Variants in GMDS observed in about 807,000 individuals in gnomAD.
The protein encoded by GMDS is GDP-mannose 4,6 dehydratase.
GMDS carries 20 observed loss-of-function variants against 49.9 expected under a neutral mutation model. The observed-to-expected ratio is 0.40, with a 90% CI of 0.28 to 0.58. GMDS has a LOEUF of 0.58. Ranked by LOEUF, GMDS falls within the 20% of genes least tolerant of loss-of-function variation. GMDS has a pLI of 0.42. For synonymous variants in GMDS, 177 were observed against 178.6 expected (o/e 0.99, Z 0.07); for missense variants, 362 against 481.4 (o/e 0.75, Z 2.32).
At chr6:2,035,876 G>C (rs752495413) in intron 4 of GMDS, among the ~76,000 whole-genome samples, 1 of 151,972 alleles carries the variant, frequency 6.6e-6, no homozygotes, top group Non-Finnish European at 1.5e-5. Context: ...TAGTAAAAAC[G>C]GGGTTTCACC....
rs187130700 is a variant in GMDS at position 2,089,026 on chromosome 6, T to C, written c.345+26745A>G. 2.2e-4 allele frequency among the ~76,000 whole-genome samples: 34 copies of C among 152,322 alleles called. 1 individual carries two copies. The highest frequency in any genetic ancestry group is 6.5e-4 in the African/African-American group (27 of 41,578). On this transcript the variant is annotated intron_variant, in intron 4 of 10. Coordinates refer to ENST00000380815, the MANE Select transcript of GMDS (RefSeq NM_001500.4). Reference sequence around the variant, plus strand: ...TGGGCAGCTATTATGTGTAAATCACTACACGAAAAGCCAATGGTAATACTA... The same window carrying C: ...TGGGCAGCTATTATGTGTAAATCACCACACGAAAAGCCAATGGTAATACTA...
At chr6:1,881,133 T>C (rs964040456) in intron 7 of GMDS, among the ~76,000 whole-genome samples, 1 of 152,106 alleles carries the variant, frequency 6.6e-6, no homozygotes, top group Non-Finnish European at 1.5e-5. Context: ...AACTATTAAT[T>C]TAAAAACAGG....
chr6:1,741,231 G>A (rs1345640419), intron 8 of GMDS, among the ~76,000 whole-genome samples: 2 of 152,048 alleles, frequency 1.3e-5, no homozygotes, highest in African/African-American at 4.8e-5. Context: ...ATATACAATA[G>A]GTATTGTTAA....
Position 1,624,100 on chromosome 6 carries a change from G to C in GMDS, c.*69C>G. The C allele has an allele frequency of 7.1e-7, 1 of 1,400,666 alleles. No homozygotes were observed. The highest frequency in any genetic ancestry group is 1.4e-5 in the African/African-American group (1 of 71,234). 86.8% of individuals were successfully genotyped at this position (1,400,666 alleles called of 1,614,324 possible). A position where few individuals can be genotyped will look rare whatever the true frequency, so the allele number is the denominator to read the frequency against. On this transcript the variant is annotated 3_prime_UTR_variant, in exon 11 of 11. Coordinates refer to ENST00000380815, the MANE Select transcript of GMDS (RefSeq NM_001500.4). ...GATTGGCACGCCGCTCCCCATCCCC[G>C]CAGCGCGTCTGCACCGGAGACTCTG...
chr6:1,972,516 T>G (rs1181738072), intron 4 of GMDS, among the ~76,000 whole-genome samples: 2 of 152,190 alleles, frequency 1.3e-5, no homozygotes, highest in East Asian at 3.8e-4. Context: ...TTAATGGAAT[T>G]TATTATAGCA....
chr6:1,784,473 T>TC, intron 7 of GMDS, among the ~76,000 whole-genome samples: 1 of 150,604 alleles, frequency 6.6e-6, no homozygotes, highest in African/African-American at 2.4e-5. Flanking sequence ...GTTTGCCTGA[T>TC]CCCAGGACTA....
intron 1 of GMDS, among the ~76,000 whole-genome samples, chr6:2,147,843 A>G (rs1776642255): frequency 6.7e-6 from 1 of 148,314 alleles, no homozygotes; most frequent in Non-Finnish European, 1.5e-5. Flanking sequence ...AAGTCCCCTG[A>G]GCATACTAGA....
intron 7 of GMDS, among the ~76,000 whole-genome samples, chr6:1,755,598 G>C (rs919264509): frequency 6.6e-6 from 1 of 152,118 alleles, no homozygotes. Flanking sequence ...CAAAGCTGGA[G>C]GCATCACACT....
At chr6:1,962,861 T>C (rs1764037950) in intron 4 of GMDS, among the ~76,000 whole-genome samples, 1 of 151,410 alleles carries the variant, frequency 6.6e-6, no homozygotes, top group South Asian at 2.1e-4. Flanking sequence ...GTTGTCTTTT[T>C]CTTTTCTTTT....
intron 7 of GMDS, among the ~76,000 whole-genome samples, chr6:1,852,495 G>A (rs1387858127): frequency 2.0e-5 from 3 of 152,284 alleles, no homozygotes; most frequent in African/African-American, 7.2e-5. Context: ...GTGCCTGAGA[G>A]CAAACGAGTT....
intron 8 of GMDS, among the ~76,000 whole-genome samples, chr6:1,727,046 T>C (rs1413225093): frequency 3.3e-5 from 5 of 152,208 alleles, no homozygotes; most frequent in Non-Finnish European, 7.3e-5. Context: ...TCTCCTGCTC[T>C]CCCGTCAATG....
At chr6:2,189,824 A>G (rs1415130513) in intron 1 of GMDS, among the ~76,000 whole-genome samples, 1 of 152,244 alleles carries the variant, frequency 6.6e-6, no homozygotes, top group Non-Finnish European at 1.5e-5. Flanking sequence ...CGGCAAAGTA[A>G]CAACTACTAC....
chr6:2,041,308 A>T (rs1255868555), intron 4 of GMDS, among the ~76,000 whole-genome samples: 2 of 152,262 alleles, frequency 1.3e-5, no homozygotes, highest in African/African-American at 4.8e-5. Flanking sequence ...TGCCCAAAAA[A>T]TGGTAATAAA....
intron 9 of GMDS, among the ~76,000 whole-genome samples, chr6:1,725,944 G>C (rs547318453): frequency 6.6e-6 from 1 of 152,346 alleles, no homozygotes. Context: ...GGTGGTCCCT[G>C]ACCTGAGTCT....
rs1354223466 is a variant in GMDS, at chr6:2,190,486, C to T, written c.102+54835G>A. ...GACAAGTCATGTTTTTGCTCAAGGT[C>T]TCACTTCTCATGGGGGAAGAACTAG... On this transcript the variant is annotated intron_variant, in intron 1 of 10. Transcript: ENST00000380815. Among the ~76,000 whole-genome samples, 5 of 152,312 alleles carry T rather than the reference C, an allele frequency of 3.3e-5. No homozygotes were observed. In the East Asian group the frequency reaches 9.6e-4, roughly 29 times the overall value.
intron 7 of GMDS, among the ~76,000 whole-genome samples, chr6:1,893,514 C>T (rs760140336): frequency 2.6e-5 from 4 of 152,148 alleles, no homozygotes; most frequent in Admixed American, 6.5e-5. Flanking sequence ...GCTTTGCTGC[C>T]GCAACCTTCT....
In GMDS at chr6:1,974,442, A is replaced by G. The variant is rs1764783151; in HGVS notation, c.346-13476T>C. Among the ~76,000 whole-genome samples the G allele has an allele frequency of 2.6e-5, 4 of 152,184 alleles. No individual in the cohort carries two copies. The South Asian group carries it at 8.3e-4, about 32-fold the overall frequency. Reference sequence around the variant, plus strand: ...ATAAGAACAGCAACCAGATACAGAGAGAAGGCTGCTAGAGAAGTAGGCACA... The same window carrying G: ...ATAAGAACAGCAACCAGATACAGAGGGAAGGCTGCTAGAGAAGTAGGCACA... On this transcript the variant is annotated intron_variant, in intron 4 of 10. Transcript: ENST00000380815.
At chr6:1,996,566 C>A (rs374567266) in intron 4 of GMDS, among the ~76,000 whole-genome samples, 1 of 152,146 alleles carries the variant, frequency 6.6e-6, no homozygotes, top group Non-Finnish European at 1.5e-5. Flanking sequence ...TTACTAGGGA[C>A]GTTATTTTTT....
At chr6:1,703,280 TGCTCTTCCTC>T (rs1249836144) in intron 9 of GMDS, among the ~76,000 whole-genome samples, 2 of 152,182 alleles carry the variant, frequency 1.3e-5, no homozygotes, top group African/African-American at 4.8e-5. Flanking sequence ...CTCTGGCTCT[TGCTCTTCCTC>T]AGGGAGAGCA....
Sources: allele counts gnomAD v4.1 joint callset (sites outside exome capture counted in the v4.1 genomes callset), GRCh38; gene constraint gnomAD v4.1.1; transcripts MANE v1.5; gene names NCBI Gene and HGNC (gene_info 2026-07-23, HGNC 2026-07-21).